The following STRIP2 variants were observed in gnomAD, a reference collection of about 807,000 sequenced individuals.
STRIP2 encodes the protein striatin-interacting protein 2.
STRIP2 carries 84 observed loss-of-function variants against 107.1 expected under a neutral mutation model. That is an observed-to-expected ratio of 0.78 (90% CI 0.66 to 0.94). The LOEUF is 0.94. STRIP2 is among the 40% of genes least tolerant of loss of function. STRIP2 has a pLI of 0.00. For missense variants in STRIP2, 888 were observed against 1,034.2 expected, an observed-to-expected ratio of 0.86 and a Z score of 1.94; for synonymous variants, 394 against 400.4, an observed-to-expected ratio of 0.98 and a Z score of 0.19.
chr7:129,457,448 A>C (rs1798396675), intron 9 of STRIP2, among the ~76,000 whole-genome samples: 1 of 152,224 alleles, frequency 6.6e-6, no homozygotes, highest in African/African-American at 2.4e-5. Flanking sequence ...ATCGTTGTGC[A>C]GCACATGACT....
chr7:129,440,008 T>G lies in STRIP2; in HGVS notation c.130-14T>G. The G allele has an allele frequency of 6.2e-7, 1 of 1,613,200 alleles. No homozygotes were observed. Among genetic ancestry groups the G allele is most frequent in the Non-Finnish European group, 8.5e-7 (1 of 1,179,180 alleles). On this transcript the variant is annotated splice_polypyrimidine_tract_variant and intron_variant, in intron 1 of 20. Transcript: ENST00000249344. ...CAAGTTATCCCAGTTACCAACAAAA[T>G]TTCTCTGTTACAGGGCTCTGTGGAC...
chr7:129,440,162 C>A, intron 2 of STRIP2, 71 bp downstream of exon 2: 2 of 1,339,646 alleles, frequency 1.5e-6, no homozygotes, highest in Middle Eastern at 1.9e-4. Context: ...TGTGATCTCC[C>A]TGGAAGCTTG....
chr7:129,460,457 T>C, intron 13 of STRIP2, 85 bp downstream of exon 13: 1 of 1,092,818 alleles, frequency 9.2e-7, no homozygotes, highest in East Asian at 2.5e-5. Flanking sequence ...CATGCATTCA[T>C]TCAGCATATT....
intron 18 of STRIP2, chr7:129,477,930 T>C (rs372638048): frequency 1.2e-4 from 62 of 520,350 alleles, no homozygotes; most frequent in African/African-American, 1.1e-3. Context: ...AAGTTATCAT[T>C]GAAATTAAAT....
Position 129,486,016 on chromosome 7 carries a change from G to T in STRIP2, c.*187G>T. 1 of 615,054 alleles carries T rather than the reference G, an allele frequency of 1.6e-6. No homozygotes were observed. Among genetic ancestry groups the T allele is most frequent in the South Asian group, 2.1e-5 (1 of 47,140 alleles). 38.1% of individuals were successfully genotyped at this position (615,054 alleles called of 1,614,324 possible). A position where few individuals can be genotyped will look rare whatever the true frequency, so the allele number is the denominator to read the frequency against. On this transcript the variant is annotated 3_prime_UTR_variant, in exon 21 of 21. Transcript: ENST00000249344. ...ATCAACTTGCCCTGGGGTCAGTTGG[G>T]TGCCCAGTTGGCCTTGGAAATCTTT...
At chr7:129,459,449 G>T (rs1798465379) in intron 11 of STRIP2, 68 bp from the exon 12 acceptor site, 2 of 1,320,808 alleles carry the variant, frequency 1.5e-6, no homozygotes, top group Non-Finnish European at 2.2e-6. Context: ...GACTCTAGGG[G>T]GGTATTGGGG....
intron 3 of STRIP2, among the ~76,000 whole-genome samples, 164 bp from the exon 4 acceptor site, chr7:129,451,449 G>C (rs2150995125): frequency 6.6e-6 from 1 of 152,238 alleles, no homozygotes; most frequent in East Asian, 1.9e-4. Context: ...GAACATTTTG[G>C]GTCCTTTTCC....
At chr7:129,451,138 G>GT (rs1239420215) in intron 3 of STRIP2, among the ~76,000 whole-genome samples, 2 of 151,526 alleles carry the variant, frequency 1.3e-5, no homozygotes, top group Non-Finnish European at 2.9e-5. Context: ...GGGTTTCACC[G>GT]TTTTTTTAGC....
rs747963022 is a variant in STRIP2 at position 129,455,338 on chromosome 7, G to A, written c.801G>A (p.Lys267=). Residue 267 remains lysine (K), a synonymous_variant, in exon 8 of 21, where the codon AAG becomes AAA. Coordinates refer to ENST00000249344, the MANE Select transcript of STRIP2 (RefSeq NM_020704.3). ...CSGLAPHFPI[K]KVLLLLWKVV... is the part of the protein sequence containing the mutation. ...GCCTGGCTCCTCACTTCCCCATAAAGAAGGTCCTGCTCCTGCTCTGGAAGG... is the reference window on the plus strand; with the variant it reads ...GCCTGGCTCCTCACTTCCCCATAAAAAAGGTCCTGCTCCTGCTCTGGAAGG... The A allele has an allele frequency of 1.2e-6, 2 of 1,613,874 alleles. No individual in the cohort carries two copies. The highest frequency in any genetic ancestry group is 1.7e-6 in the Non-Finnish European group (2 of 1,179,894).
intron 20 of STRIP2, chr7:129,484,667 G>C (rs930810634): frequency 2.0e-5 from 3 of 152,166 alleles, no homozygotes; most frequent in Admixed American, 6.6e-5. Flanking sequence ...ACTAAAAAAG[G>C]GTTTAGAGAA....
chr7:129,453,342 A>T lies in STRIP2; in HGVS notation c.525A>T (p.Glu175Asp). ...CCTTCCTGGAGCTACTCCACATGGA[A>T]ATTGAGTGAGAAGCCTTAGGGGAAG... ...FSTFLELLHM[E>D]IDNSQACSSA... Residue 175 changes from glutamate to aspartate, a missense_variant, in exon 5 of 21, where the codon GAA becomes GAT. Coordinates refer to ENST00000249344, the MANE Select transcript of STRIP2 (RefSeq NM_020704.3). The T allele has an allele frequency of 6.2e-7, 1 of 1,614,084 alleles. No individual in the cohort carries two copies. Among genetic ancestry groups the T allele is most frequent in the South Asian group, 1.1e-5 (1 of 91,076 alleles).
In STRIP2 at chr7:129,463,499, C is replaced by CTT. The variant is rs750018679; in HGVS notation, c.1551+472_1551+473dup. Among the ~76,000 whole-genome samples, 957 of 145,060 alleles carry CTT rather than the reference C, an allele frequency of 6.6e-3. 10 individuals carry two copies. Among genetic ancestry groups the CTT allele is most frequent in the African/African-American group, 0.023 (925 of 39,696 alleles). On this transcript the variant is annotated intron_variant, in intron 14 of 20. Coordinates refer to ENST00000249344, the MANE Select transcript of STRIP2 (RefSeq NM_020704.3). ...CATCTTCCCCTTTGAAAAGAACAGT[C>CTT]TTTTTTTTTTTTTTGAAGTGGAGTC...
Position 129,458,512 on chromosome 7 carries a change from T to G in STRIP2, c.1274+62T>G. ...GGTTTCAGTCTCCAAAGGCCCAAGA[T>G]GGGGTAGTCTATGTATTCAAGGCTC... On this transcript the variant is annotated intron_variant, in intron 10 of 20. Transcript: ENST00000249344. This position sits in a 1 kb window ranked among gnomAD's most constrained non-coding sequence, Gnocchi z 4.6. 7.2e-7 allele frequency: 1 copy of G among 1,393,926 alleles called. No homozygotes were observed. Among genetic ancestry groups the G allele is most frequent in the Non-Finnish European group, 9.7e-7 (1 of 1,032,294 alleles). The allele number at this position is 1,393,926 out of a possible 1,614,324, so 86.3% of individuals were successfully genotyped here. A position where few individuals can be genotyped will look rare whatever the true frequency, so the allele number is the denominator to read the frequency against.
chr7:129,440,372 G>A (rs995533626), intron 2 of STRIP2, among the ~76,000 whole-genome samples: 1 of 151,866 alleles, frequency 6.6e-6, no homozygotes, highest in Non-Finnish European at 1.5e-5. Context: ...CTGATTTGGT[G>A]CACTCTCAAA....
intron 16 of STRIP2, among the ~76,000 whole-genome samples, chr7:129,465,254 T>C (rs690903): frequency 0.89 from 135,738 of 152,124 alleles, 60,819 homozygotes; most frequent in East Asian, 1. Flanking sequence ...TATGGAAACA[T>C]CTAATCCAGC....
At position 129,480,905 on chromosome 7, in the gene STRIP2, T is replaced by C. The variant is rs1321919630; in HGVS notation, c.2049+16T>C. Reference sequence around the variant, plus strand: ...CCGGACCATGGTGAGTGTGGTTTTTTACATCATGGAGTTGTCCATCTGACT... The same window carrying C: ...CCGGACCATGGTGAGTGTGGTTTTTCACATCATGGAGTTGTCCATCTGACT... On this transcript the variant is annotated intron_variant, in intron 19 of 20. Coordinates refer to ENST00000249344, the MANE Select transcript of STRIP2 (RefSeq NM_020704.3). 5 of 1,593,644 alleles carry C rather than the reference T, an allele frequency of 3.1e-6. No individual in the cohort carries two copies. The highest frequency in any genetic ancestry group is 4.3e-6 in the Non-Finnish European group (5 of 1,166,858).
chr7:129,470,116 C>G (rs2151011314), intron 17 of STRIP2, among the ~76,000 whole-genome samples: 1 of 152,308 alleles, frequency 6.6e-6, no homozygotes, highest in Non-Finnish European at 1.5e-5. Context: ...TCTTGAGTTA[C>G]TAGATTAGCC....
chr7:129,470,735 G>A lies in STRIP2; in HGVS notation c.1944+20G>A, dbSNP rs1273715172. 2.5e-6 allele frequency: 4 copies of A among 1,610,858 alleles called. No individual in the cohort carries two copies. Among genetic ancestry groups the A allele is most frequent in the African/African-American group, 2.7e-5 (2 of 74,848 alleles). ...AGTCTGGTAAGCAGATGGGGATTTGGTAGCCTTTGAAATTGCTAGGTAGCA... is the reference window on the plus strand; with the variant it reads ...AGTCTGGTAAGCAGATGGGGATTTGATAGCCTTTGAAATTGCTAGGTAGCA... On this transcript the variant is annotated intron_variant, in intron 18 of 20. Coordinates refer to ENST00000249344, the MANE Select transcript of STRIP2 (RefSeq NM_020704.3).
At chr7:129,475,871 C>A (rs936930427) in intron 18 of STRIP2, among the ~76,000 whole-genome samples, 1 of 152,040 alleles carries the variant, frequency 6.6e-6, no homozygotes, top group South Asian at 2.1e-4. Context: ...CAGAGAGCAC[C>A]GGGTTGGGGG....
Sources: allele counts gnomAD v4.1 joint callset (sites outside exome capture counted in the v4.1 genomes callset), GRCh38; gene constraint gnomAD v4.1.1; non-coding constraint Gnocchi (gnomAD v3.1); transcripts MANE v1.5; gene names NCBI Gene and HGNC (gene_info 2026-07-23, HGNC 2026-07-21).